The following GPC5 variants were observed in gnomAD, a reference collection of about 807,000 sequenced individuals.
GPC5 encodes the protein glypican-5.
GPC5 carries 47 observed loss-of-function variants against 53.9 expected under a neutral mutation model. The observed-to-expected ratio is 0.87, with a 90% CI of 0.69 to 1.11. The LOEUF is 1.11. Ranked by LOEUF, GPC5 falls within the 50% of genes most tolerant of loss-of-function variation. The pLI is 0.00. For synonymous variants in GPC5, 286 were observed against 263.3 expected (o/e 1.09, Z -0.84); for missense variants, 748 against 713.1 (o/e 1.05, Z -0.56).
At chr13:92,550,618 A>G (rs993556819) in intron 7 of GPC5, among the ~76,000 whole-genome samples, 11 of 151,790 alleles carry the variant, frequency 7.2e-5, no homozygotes, top group Non-Finnish European at 1.6e-4. Flanking sequence ...GGGTATTAAA[A>G]AACTTGTTTG....
intron 7 of GPC5, among the ~76,000 whole-genome samples, chr13:92,211,373 C>T (rs1390526393): frequency 6.6e-6 from 1 of 152,248 alleles, no homozygotes; most frequent in African/African-American, 2.4e-5. Flanking sequence ...TCATTCCTGA[C>T]ACCCTGTCTA....
chr13:92,754,279 TGA>T (rs1874739549), intron 7 of GPC5, among the ~76,000 whole-genome samples: 1 of 152,168 alleles, frequency 6.6e-6, no homozygotes, highest in African/African-American at 2.4e-5. Context: ...AAGCAAATGC[TGA>T]GAGATTTTCT....
intron 2 of GPC5, among the ~76,000 whole-genome samples, chr13:91,591,770 T>A (rs1192786589): frequency 6.6e-6 from 1 of 152,218 alleles, no homozygotes; most frequent in African/African-American, 2.4e-5. Context: ...TGTAATTAAT[T>A]TTTTAGCTCT....
At chr13:92,740,964 A>ATATAATG (rs1889075337) in intron 7 of GPC5, among the ~76,000 whole-genome samples, 1 of 112,350 alleles carries the variant, frequency 8.9e-6, no homozygotes, top group African/African-American at 2.8e-5. Context: ...GTATGTGTAT[A>ATATAATG]TATATATCCT....
chr13:91,572,342 A>G (rs73614530), intron 2 of GPC5, among the ~76,000 whole-genome samples: 2,808 of 151,720 alleles, frequency 0.019, 108 homozygotes, highest in African/African-American at 0.065. Flanking sequence ...GTTAAAGGAC[A>G]GTCTGTATCT....
intron 7 of GPC5, among the ~76,000 whole-genome samples, chr13:92,496,345 A>C (rs1879980754): frequency 6.6e-6 from 1 of 152,222 alleles, no homozygotes; most frequent in African/African-American, 2.4e-5. Context: ...CTAAAGCTGG[A>C]ATTTTAGAAA....
At chr13:92,682,619 A>G (rs546524065) in intron 7 of GPC5, among the ~76,000 whole-genome samples, 4 of 152,228 alleles carry the variant, frequency 2.6e-5, no homozygotes, top group Non-Finnish European at 4.4e-5. Flanking sequence ...CCAAGAACAA[A>G]TTATAACTAA....
intron 7 of GPC5, among the ~76,000 whole-genome samples, chr13:92,694,608 T>C (rs1887506018): frequency 1.3e-5 from 2 of 152,338 alleles, no homozygotes; most frequent in African/African-American, 2.4e-5. Context: ...TGAGAATATT[T>C]ACCCGGTGCC....
chr13:91,954,089 G>T (rs1167760244), intron 6 of GPC5, among the ~76,000 whole-genome samples: 1 of 152,150 alleles, frequency 6.6e-6, no homozygotes, highest in African/African-American at 2.4e-5. Context: ...TTTATTCTGT[G>T]ATTTAAAATC....
intron 6 of GPC5, among the ~76,000 whole-genome samples, chr13:92,118,565 C>T (rs1361070124): frequency 6.6e-6 from 1 of 152,096 alleles, no homozygotes; most frequent in Non-Finnish European, 1.5e-5. Context: ...GATTATTTCT[C>T]TATATATGAT....
At chr13:91,847,410 C>A (rs1445649289) in intron 5 of GPC5, among the ~76,000 whole-genome samples, 3 of 151,542 alleles carry the variant, frequency 2.0e-5, no homozygotes, top group Admixed American at 6.6e-5. Context: ...AAATTATGGG[C>A]TTTACTGTAA....
At chr13:92,368,418 A>G (rs2043623105) in intron 7 of GPC5, among the ~76,000 whole-genome samples, 1 of 151,278 alleles carries the variant, frequency 6.6e-6, no homozygotes, top group Non-Finnish European at 1.5e-5. Flanking sequence ...CTGAGGCAGA[A>G]GGATCACTTG....
chr13:91,456,913 A>G (rs902885608), intron 2 of GPC5, among the ~76,000 whole-genome samples: 6 of 151,846 alleles, frequency 4.0e-5, no homozygotes, highest in African/African-American at 1.5e-4. Flanking sequence ...TATGCAGTAA[A>G]ATGTTTTAAT....
chr13:92,317,159 C>T (rs2043184901), intron 7 of GPC5, among the ~76,000 whole-genome samples: 1 of 152,052 alleles, frequency 6.6e-6, no homozygotes, highest in Non-Finnish European at 1.5e-5. Context: ...TTCTCCAACC[C>T]CCAGTAATGT....
intron 6 of GPC5, among the ~76,000 whole-genome samples, chr13:92,098,262 T>G (rs2041437190): frequency 6.6e-6 from 1 of 152,150 alleles, no homozygotes; most frequent in African/African-American, 2.4e-5. Context: ...CATGCAGTAT[T>G]TGGTTTTCTG....
At chr13:91,728,286 T>A (rs893289918) in intron 3 of GPC5, among the ~76,000 whole-genome samples, 2 of 152,174 alleles carry the variant, frequency 1.3e-5, no homozygotes, top group African/African-American at 4.8e-5. Flanking sequence ...ATTTTGCGTA[T>A]CTTACACATG....
chr13:92,665,712 T>A (rs1472303012), intron 7 of GPC5, among the ~76,000 whole-genome samples: 2 of 152,182 alleles, frequency 1.3e-5, no homozygotes, highest in East Asian at 3.9e-4. Context: ...TGTCCCTAAT[T>A]TAAGGGAAGA....
At chr13:92,548,027 G>C (rs1294437350) in intron 7 of GPC5, among the ~76,000 whole-genome samples, 9 of 146,790 alleles carry the variant, frequency 6.1e-5, no homozygotes, top group Admixed American at 1.4e-4. Flanking sequence ...TTTTAGTAGA[G>C]ACGGGGTTTC....
At chr13:92,678,386 G>T (rs2139218648) in intron 7 of GPC5, among the ~76,000 whole-genome samples, 1 of 152,288 alleles carries the variant, frequency 6.6e-6, no homozygotes, top group African/African-American at 2.4e-5. Context: ...ACATGGGACT[G>T]AAGATTCTGT....
Sources: gnomAD v4.1 joint callset for allele counts (sites outside exome capture counted in the v4.1 genomes callset) on GRCh38, gnomAD v4.1.1 for gene constraint, MANE v1.5 for transcripts, NCBI Gene and HGNC (gene_info 2026-07-23, HGNC 2026-07-21) for gene names.